PDGFC: variants seen among roughly 807,000 people sequenced by gnomAD.
PDGFC encodes the protein platelet derived growth factor C.
In PDGFC, 12 loss-of-function variants were observed where a neutral mutation model predicts 35.5. That is an observed-to-expected ratio of 0.34 (90% CI 0.22 to 0.55). PDGFC has a LOEUF of 0.55. PDGFC is among the 20% of genes least tolerant of loss of function. The pLI is 0.91. For synonymous variants in PDGFC, 159 were observed against 148.8 expected (o/e 1.07, Z -0.50); for missense variants, 322 against 412.4 (o/e 0.78, Z 1.90).
At chr4:156,825,793 T>C (rs1338417757) in intron 2 of PDGFC, among the ~76,000 whole-genome samples, 1 of 151,852 alleles carries the variant, frequency 6.6e-6, no homozygotes, top group Non-Finnish European at 1.5e-5. Flanking sequence ...TAAATTATGT[T>C]CTTTGTATAG....
At chr4:156,930,395 G>A (rs1731522619) in intron 1 of PDGFC, among the ~76,000 whole-genome samples, 1 of 152,212 alleles carries the variant, frequency 6.6e-6, no homozygotes, top group African/African-American at 2.4e-5. Context: ...AGGATCTGTA[G>A]GCTAGCAAAT....
intron 1 of PDGFC, among the ~76,000 whole-genome samples, chr4:156,968,644 C>T (rs562092444): frequency 6.7e-4 from 102 of 152,242 alleles, no homozygotes; most frequent in Non-Finnish European, 1.3e-3. Flanking sequence ...TAAAAATCAA[C>T]CTGAGCATGT....
intron 1 of PDGFC, among the ~76,000 whole-genome samples, chr4:156,956,537 A>G (rs1732214667): frequency 6.6e-6 from 1 of 151,992 alleles, no homozygotes; most frequent in African/African-American, 2.4e-5. Context: ...CCTGCAAATG[A>G]TCGATTGTGG....
At position 156,949,429 on chromosome 4, in the gene PDGFC, GTCTC is replaced by G. The variant is rs567133474; in HGVS notation, c.118+21353_118+21356del. On this transcript the variant is annotated intron_variant, in intron 1 of 5. Transcript: ENST00000502773. ...TCATTAAAAAGTAGTATGTGTGTGTGTCTCTCTCTCTTTCTCTCTCGCTCTTTCT... is the reference window on the plus strand; with the variant it reads ...TCATTAAAAAGTAGTATGTGTGTGTGTCTCTCTTTCTCTCTCGCTCTTTCT... Among the ~76,000 whole-genome samples the G allele has an allele frequency of 5.0e-3, 765 of 151,740 alleles. 3 individuals carry two copies. The highest frequency in any genetic ancestry group is 9.0e-3 in the Non-Finnish European group (609 of 67,830).
intron 1 of PDGFC, among the ~76,000 whole-genome samples, chr4:156,856,309 A>G (rs1358940862): frequency 1.3e-5 from 2 of 152,178 alleles, no homozygotes; most frequent in African/African-American, 4.8e-5. Context: ...ACAGTTAATC[A>G]CTTTATTCCT....
At chr4:156,959,732 C>T (rs535622398) in intron 1 of PDGFC, among the ~76,000 whole-genome samples, 1 of 152,034 alleles carries the variant, frequency 6.6e-6, no homozygotes, top group East Asian at 1.9e-4. Context: ...AGATTTGCAC[C>T]TCTGAGTTTT....
At chr4:156,856,482 C>T (rs1250738255) in intron 1 of PDGFC, among the ~76,000 whole-genome samples, 3 of 152,230 alleles carry the variant, frequency 2.0e-5, no homozygotes, top group African/African-American at 7.2e-5. Flanking sequence ...GAGCCAGTTT[C>T]AGATGTTACC....
chr4:156,805,542 G>A (rs184699806), intron 3 of PDGFC, among the ~76,000 whole-genome samples: 11 of 152,036 alleles, frequency 7.2e-5, no homozygotes, highest in African/African-American at 2.7e-4. Flanking sequence ...TTTTCCTGTA[G>A]GATTGGTGTT....
Position 156,786,410 on chromosome 4 carries a change from C to G in PDGFC, c.496-13517G>C, listed in dbSNP as rs79482519. On this transcript the variant is annotated intron_variant, in intron 3 of 5. Coordinates refer to ENST00000502773, the MANE Select transcript of PDGFC (RefSeq NM_016205.3). ...AGGCAAGGCCTCTGTGAGAAGCTGA[C>G]GTGCAAGCAAAACCTTAAGGAGTTG... Among the ~76,000 whole-genome samples, 1,033 of 152,240 alleles carry G rather than the reference C, an allele frequency of 6.8e-3. 15 individuals carry two copies. The highest frequency in any genetic ancestry group is 0.024 in the African/African-American group (995 of 41,526).
chr4:156,791,463 C>A (rs1360865938), intron 3 of PDGFC, among the ~76,000 whole-genome samples: 2 of 151,326 alleles, frequency 1.3e-5, no homozygotes, highest in East Asian at 3.9e-4. Context: ...AATAAATTTT[C>A]TTTTAATCAA....
intron 1 of PDGFC, among the ~76,000 whole-genome samples, chr4:156,903,125 G>GTGTGT (rs149694137): frequency 0.022 from 3,312 of 150,610 alleles, 41 homozygotes; most frequent in Non-Finnish European, 0.036. Flanking sequence ...GTGTGTGTGT[G>GTGTGT]TGTGTGTATA....
chr4:156,954,387 C>G (rs1254721315), intron 1 of PDGFC, among the ~76,000 whole-genome samples: 1 of 152,016 alleles, frequency 6.6e-6, no homozygotes, highest in Non-Finnish European at 1.5e-5. Context: ...GGATAAATCA[C>G]AGTTGTCAAT....
At chr4:156,942,767 T>C (rs1343127104) in intron 1 of PDGFC, among the ~76,000 whole-genome samples, 1 of 149,884 alleles carries the variant, frequency 6.7e-6, no homozygotes, top group African/African-American at 2.4e-5. Context: ...ACATGTATAA[T>C]TACAATATAT....
intron 1 of PDGFC, among the ~76,000 whole-genome samples, chr4:156,969,146 C>T (rs932562513): frequency 4.6e-5 from 7 of 151,762 alleles, no homozygotes; most frequent in African/African-American, 9.7e-5. Flanking sequence ...AAAACAGAAG[C>T]CAGGAAGCCA....
intron 1 of PDGFC, among the ~76,000 whole-genome samples, chr4:156,864,311 A>T (rs1424263913): frequency 6.6e-6 from 1 of 152,146 alleles, no homozygotes; most frequent in Non-Finnish European, 1.5e-5. Context: ...CGTGTCATAA[A>T]ATCTGTTTCT....
chr4:156,946,207 T>TA (rs985927649), intron 1 of PDGFC, among the ~76,000 whole-genome samples: 1 of 152,036 alleles, frequency 6.6e-6, no homozygotes, highest in Admixed American at 6.6e-5. Context: ...GAAACAACTT[T>TA]AAAAAAACAA....
At chr4:156,939,461 C>T (rs1432942620) in intron 1 of PDGFC, among the ~76,000 whole-genome samples, 2 of 151,896 alleles carry the variant, frequency 1.3e-5, no homozygotes, top group Admixed American at 6.6e-5. Context: ...TCACATAAAC[C>T]TAAAAAACAA....
chr4:156,780,320 T>A (rs1040639386), intron 3 of PDGFC, among the ~76,000 whole-genome samples: 1 of 151,962 alleles, frequency 6.6e-6, no homozygotes, highest in Non-Finnish European at 1.5e-5. Flanking sequence ...GAACTTCCAA[T>A]GAAAGAAAAT....
At chr4:156,817,408 G>A (rs1373815591) in intron 2 of PDGFC, among the ~76,000 whole-genome samples, 3 of 152,086 alleles carry the variant, frequency 2.0e-5, no homozygotes, top group Non-Finnish European at 4.4e-5. Flanking sequence ...TATTTTAAAA[G>A]TATAAGTATA....
Sources: gnomAD v4.1 joint callset for allele counts (sites outside exome capture counted in the v4.1 genomes callset) on GRCh38, gnomAD v4.1.1 for gene constraint, MANE v1.5 for transcripts, NCBI Gene and HGNC (gene_info 2026-07-23, HGNC 2026-07-21) for gene names.